SHTN1: variants seen among roughly 807,000 people sequenced by gnomAD.
SHTN1 encodes the protein shootin 1, also known as shootin-1.
Under a neutral mutation model 83.1 loss-of-function variants are expected in SHTN1, and 42 were observed. The observed-to-expected ratio is 0.51, with a 90% CI of 0.39 to 0.65. The LOEUF is 0.65. Among genes scored for constraint, SHTN1 ranks in the 30% least tolerant of loss-of-function variants. SHTN1 has a pLI of 0.00. For synonymous variants in SHTN1, 224 were observed against 247.7 expected, an observed-to-expected ratio of 0.90 and a Z score of 0.90; for missense variants, 622 against 737.8, an observed-to-expected ratio of 0.84 and a Z score of 1.82.
chr10:116,908,348 T>C (rs1218717851), intron 14 of SHTN1, among the ~76,000 whole-genome samples: 3 of 152,194 alleles, frequency 2.0e-5, no homozygotes, highest in Admixed American at 6.5e-5. Context: ...GCTTATTTTA[T>C]CATTAAAATC....
At chr10:116,951,163 T>C (rs568605286) in intron 6 of SHTN1, among the ~76,000 whole-genome samples, 9 of 152,246 alleles carry the variant, frequency 5.9e-5, no homozygotes, top group African/African-American at 2.2e-4. Flanking sequence ...CGGCTTGCAT[T>C]GGTGGTCCCA....
At chr10:117,015,262 C>A (rs1395195558) in intron 2 of SHTN1, among the ~76,000 whole-genome samples, 1 of 152,152 alleles carries the variant, frequency 6.6e-6, no homozygotes, top group African/African-American at 2.4e-5. Context: ...TGGACTCTGG[C>A]TCTGCTGACA....
chr10:116,970,443 C>T (rs991065531), intron 2 of SHTN1, among the ~76,000 whole-genome samples: 7 of 152,262 alleles, frequency 4.6e-5, no homozygotes, highest in East Asian at 1.9e-4. Flanking sequence ...TGGCCGGGCA[C>T]GGTGGCTCAA....
chr10:117,106,324 G>A (rs369524441), intron 1 of SHTN1, among the ~76,000 whole-genome samples: 64 of 151,916 alleles, frequency 4.2e-4, no homozygotes, highest in Admixed American at 1.6e-3. Context: ...GCGTGATGGC[G>A]GGCACCTGTA....
rs1468105046 is a variant in SHTN1, at chr10:116,960,237, A to G, written c.173-7T>C. The G allele has an allele frequency of 6.7e-7, 1 of 1,496,818 alleles. No homozygotes were observed. The highest frequency in any genetic ancestry group is 9.3e-7 in the Non-Finnish European group (1 of 1,074,990). 92.7% of individuals were successfully genotyped at this position (1,496,818 alleles called of 1,614,324 possible). On this transcript the variant is annotated splice_region_variant and splice_polypyrimidine_tract_variant and intron_variant, in intron 3 of 16. Coordinates refer to ENST00000355371, the MANE Select transcript of SHTN1 (RefSeq NM_001127211.3). ...TCTATGACCATGTGAGAAACTAGGAATGAGGGGGAAAAAAAATCTCAGCAT... is the reference window on the plus strand; with the variant it reads ...TCTATGACCATGTGAGAAACTAGGAGTGAGGGGGAAAAAAAATCTCAGCAT...
intron 16 of SHTN1, chr10:116,901,052 T>A: frequency 1.0e-6 from 1 of 985,442 alleles, no homozygotes; most frequent in African/African-American, 1.7e-5. Context: ...TAACCATGAT[T>A]ACAATATTCG....
rs1050669402 is a variant in SHTN1 at position 116,886,239 on chromosome 10, T to A, written c.*105A>T. 5 of 1,458,638 alleles carry A rather than the reference T, an allele frequency of 3.4e-6. No individual in the cohort carries two copies. The African/African-American group carries it at 7.1e-5, about 21-fold the overall frequency. The allele number at this position is 1,458,638 out of a possible 1,614,324, so 90.4% of individuals were successfully genotyped here. A position where few individuals can be genotyped will look rare whatever the true frequency, so the allele number is the denominator to read the frequency against. ...ACCAGAAAAGAACCTGTATTCTGAA[T>A]ACAGTGACCAGAGCAGAATGTCTAC... On this transcript the variant is annotated 3_prime_UTR_variant, in exon 17 of 17. Transcript: ENST00000355371.
chr10:116,925,559 C>T (rs1261769842), intron 11 of SHTN1, among the ~76,000 whole-genome samples: 2 of 152,206 alleles, frequency 1.3e-5, no homozygotes, highest in Admixed American at 1.3e-4. Context: ...CCTCCATAAT[C>T]ACATGAGCCA....
intron 6 of SHTN1, 109 bp downstream of exon 6, chr10:116,951,800 A>C: frequency 2.1e-6 from 1 of 472,036 alleles, no homozygotes; most frequent in Non-Finnish European, 3.8e-6. Flanking sequence ...AAATTGGTAC[A>C]TGGTTCTCAT....
chr10:117,037,624 G>T (rs984200687), intron 2 of SHTN1, among the ~76,000 whole-genome samples: 3 of 152,104 alleles, frequency 2.0e-5, no homozygotes, highest in Admixed American at 6.6e-5. Flanking sequence ...GAACGCAGTT[G>T]GAAGACTGAC....
intron 1 of SHTN1, among the ~76,000 whole-genome samples, chr10:116,994,917 T>C (rs913295458): frequency 6.6e-6 from 1 of 152,078 alleles, no homozygotes; most frequent in Non-Finnish European, 1.5e-5. Flanking sequence ...TAAGAAACAT[T>C]GTCAAATAAC....
chr10:116,905,827 C>G (rs1383227533), intron 15 of SHTN1, among the ~76,000 whole-genome samples: 1 of 152,142 alleles, frequency 6.6e-6, no homozygotes, highest in African/African-American at 2.4e-5. Context: ...AAGGGGAAAC[C>G]TCATAAAGGT....
chr10:116,973,280 T>C (rs1054176941), intron 2 of SHTN1, among the ~76,000 whole-genome samples: 1 of 152,196 alleles, frequency 6.6e-6, no homozygotes, highest in African/African-American at 2.4e-5. Context: ...AATATAAATA[T>C]TCATGCTTGT....
At chr10:117,005,400 G>T, upstream of SHTN1, 1 of 1,171,862 alleles carries the variant, frequency 8.5e-7, no homozygotes, top group Non-Finnish European at 1.1e-6. Flanking sequence ...GCTGGTGGGA[G>T]GGGGGGCGGC....
chr10:116,986,505 A>G (rs1326928754), intron 1 of SHTN1, among the ~76,000 whole-genome samples: 1 of 151,940 alleles, frequency 6.6e-6, no homozygotes, highest in Non-Finnish European at 1.5e-5. Context: ...GGGCCCCTAA[A>G]CTTTTGTGAG....
chr10:116,990,287 C>CTTTTTTTTTTTTTTTTTTTTTTTTT (rs11399364), intron 1 of SHTN1, among the ~76,000 whole-genome samples: 23 of 119,860 alleles, frequency 1.9e-4, no homozygotes, highest in Middle Eastern at 5.7e-3. Flanking sequence ...TTTTTTCTTT[C>CTTTTTTTTTTTTTTTTTTTTTTTTT]TTTTTTTTTT....
At chr10:117,084,768 C>T (rs988993727) in intron 1 of SHTN1, among the ~76,000 whole-genome samples, 2 of 152,132 alleles carry the variant, frequency 1.3e-5, no homozygotes, top group African/African-American at 4.8e-5. Context: ...GTCGGAAAAG[C>T]GCAGTATTTG....
intron 3 of SHTN1, among the ~76,000 whole-genome samples, chr10:116,964,866 T>C (rs1268300457): frequency 6.6e-6 from 1 of 152,002 alleles, no homozygotes; most frequent in African/African-American, 2.4e-5. Flanking sequence ...CTTGGGAGGC[T>C]GAGGCAGGAG....
intron 1 of SHTN1, among the ~76,000 whole-genome samples, chr10:117,113,334 A>G (rs981066960): frequency 1.3e-5 from 2 of 152,226 alleles, no homozygotes; most frequent in Non-Finnish European, 2.9e-5. Context: ...CAAAGTTCCC[A>G]GTGTTACTGA....
Sources: allele counts gnomAD v4.1 joint callset (sites outside exome capture counted in the v4.1 genomes callset), GRCh38; gene constraint gnomAD v4.1.1; transcripts MANE v1.5; gene names NCBI Gene and HGNC (gene_info 2026-07-23, HGNC 2026-07-21).